Variants in DRG1 observed in about 807,000 individuals in gnomAD.
DRG1 encodes the protein developmentally-regulated GTP-binding protein 1.
A neutral mutation model predicts 38.8 loss-of-function variants in DRG1; 19 were observed. The ratio of observed to expected loss-of-function variants is 0.49; its 90% confidence interval spans 0.34 to 0.72. The LOEUF (loss-of-function observed/expected upper bound fraction) is 0.72. Among genes scored for constraint, DRG1 ranks in the 30% least tolerant of loss-of-function variants. The pLI, the probability that DRG1 is intolerant of heterozygous loss-of-function variation, is 0.01. For missense variants in DRG1, 299 were observed against 444.8 expected (o/e 0.67, Z 2.95); for synonymous variants, 167 against 157.5 (o/e 1.06, Z -0.45).
chr22:31,401,347 C>T (rs940934886), intron 2 of DRG1, among the ~76,000 whole-genome samples: 22 of 151,584 alleles, frequency 1.5e-4, no homozygotes, highest in African/African-American at 4.6e-4. Context: ...CTTTGGGAGG[C>T]CAAGGCGTGG....
Position 31,407,379 on chromosome 22 carries a change from G to A in DRG1, c.343-3633G>A, listed in dbSNP as rs181916756. 2.0e-3 allele frequency among the ~76,000 whole-genome samples: 309 copies of A among 152,260 alleles called. 1 individual carries two copies. The highest frequency in any genetic ancestry group is 6.8e-3 in the African/African-American group (282 of 41,564). On this transcript the variant is annotated intron_variant, in intron 3 of 8. Coordinates refer to ENST00000331457, the MANE Select transcript of DRG1 (RefSeq NM_004147.4). ...TCTCCCTCGCTCTGTCACCCAGGCT[G>A]AATGCAGTGGCACGGGTACGATCAT...
chr22:31,426,926 T>A, intron 7 of DRG1, 134 bp from the exon 8 acceptor site: 1 of 1,491,578 alleles, frequency 6.7e-7, no homozygotes, highest in Non-Finnish European at 9.1e-7. Context: ...GGTCATTAGG[T>A]CATATTGAGG....
intron 4 of DRG1, among the ~76,000 whole-genome samples, chr22:31,412,612 G>A (rs1180063697): frequency 1.3e-5 from 2 of 151,946 alleles, no homozygotes; most frequent in Non-Finnish European, 2.9e-5. Context: ...GCCTCCCAAA[G>A]TGCTGAGATT....
chr22:31,420,966 G>A (rs1004747013), intron 5 of DRG1, among the ~76,000 whole-genome samples: 5 of 152,170 alleles, frequency 3.3e-5, no homozygotes, highest in Non-Finnish European at 5.9e-5. Flanking sequence ...GGTCAGGGAA[G>A]TCTTTACTGA....
At chr22:31,414,893 T>TC (rs1279289594) in intron 4 of DRG1, among the ~76,000 whole-genome samples, 2 of 151,920 alleles carry the variant, frequency 1.3e-5, no homozygotes, top group Non-Finnish European at 2.9e-5. Flanking sequence ...GATCCTTCCT[T>TC]CTTAGCCTCT....
Position 31,426,722 on chromosome 22 carries a change from A to C in DRG1, c.821A>C (p.His274Pro). The C allele has an allele frequency of 6.2e-7, 1 of 1,614,132 alleles. No individual in the cohort carries two copies. Residue 274 changes from histidine (H) to proline (P), a missense_variant, in exon 7 of 9, where the codon CAC becomes CCC. Physicochemically the swap from His to Pro is moderately conservative, Grantham distance 77 (BLOSUM62 -2). This residue lies in a region of DRG1 where 198 missense variants were observed against 268.1 expected (regional missense o/e 0.74). Coordinates refer to ENST00000331457, the MANE Select transcript of DRG1 (RefSeq NM_004147.4). ...CACTGTGTACCCATCTCTGCCCATC[A>C]CCGCTGGAATTTTGATGACCTATTG... ...VPHCVPISAH[H>P]RWNFDDLLEK...
chr22:31,426,418 T>C (rs532304299), intron 6 of DRG1, 197 bp from the exon 7 acceptor site: 1 of 517,364 alleles, frequency 1.9e-6, no homozygotes, highest in Admixed American at 3.7e-5. Context: ...TTGTGGCTGG[T>C]ACTAGGGCCT....
chr22:31,430,406 T>C lies in DRG1; in HGVS notation c.1004+3224T>C, dbSNP rs191358855. ...TACTACAGGGTTAATTTTTTTTTTT[T>C]TTTCTTTTTTTGAGATGGAGTCTCG... On this transcript the variant is annotated intron_variant, in intron 8 of 8. Coordinates refer to ENST00000331457, the MANE Select transcript of DRG1 (RefSeq NM_004147.4). Among the ~76,000 whole-genome samples the C allele has an allele frequency of 5.4e-3, 824 of 152,014 alleles. 3 individuals carry two copies. The highest frequency in any genetic ancestry group is 1.0e-2 in the Non-Finnish European group (679 of 67,972).
intron 4 of DRG1, among the ~76,000 whole-genome samples, chr22:31,411,804 T>G (rs906908220): frequency 2.6e-5 from 4 of 151,728 alleles, no homozygotes; most frequent in Admixed American, 6.6e-5. Context: ...TGTTTGAAGG[T>G]TATTTTTATT....
At chr22:31,426,588 T>C in intron 6 of DRG1, 27 bp from the exon 7 acceptor site, 12 of 1,592,210 alleles carry the variant, frequency 7.5e-6, no homozygotes, top group Non-Finnish European at 1.0e-5. Flanking sequence ...TCCAGACTAA[T>C]ACCCTGTTTT....
At chr22:31,432,164 A>T (rs2050142879) in intron 8 of DRG1, among the ~76,000 whole-genome samples, 1 of 149,234 alleles carries the variant, frequency 6.7e-6, no homozygotes, top group Non-Finnish European at 1.5e-5. Context: ...GCAGCCTTGA[A>T]CTCCTGGGCT....
intron 3 of DRG1, among the ~76,000 whole-genome samples, chr22:31,405,685 G>T (rs1017208115): frequency 1.3e-5 from 2 of 150,704 alleles, no homozygotes; most frequent in Non-Finnish European, 3.0e-5. Context: ...GTGTGTGGGG[G>T]GGTTTATTTA....
chr22:31,412,800 C>T (rs1213384995), intron 4 of DRG1, among the ~76,000 whole-genome samples: 2 of 151,964 alleles, frequency 1.3e-5, no homozygotes, highest in Non-Finnish European at 2.9e-5. Flanking sequence ...GGTTATCCAC[C>T]TCAGTCTCCC....
At chr22:31,402,099 C>T (rs1468866532) in intron 2 of DRG1, among the ~76,000 whole-genome samples, 3 of 151,712 alleles carry the variant, frequency 2.0e-5, no homozygotes, top group Non-Finnish European at 4.4e-5. Flanking sequence ...TATTGGCTTA[C>T]AGAAATGTAA....
intron 6 of DRG1, among the ~76,000 whole-genome samples, chr22:31,425,412 A>G (rs1420863732): frequency 6.6e-6 from 1 of 151,042 alleles, no homozygotes; most frequent in East Asian, 1.9e-4. Flanking sequence ...AAGAGTATGT[A>G]GCTGAATATC....
At chr22:31,429,415 C>T (rs2050127718) in intron 8 of DRG1, among the ~76,000 whole-genome samples, 1 of 151,954 alleles carries the variant, frequency 6.6e-6, no homozygotes, top group African/African-American at 2.4e-5. Context: ...AGCTACCACG[C>T]CTGGCCTAAT....
chr22:31,401,583 CAAAA>C (rs951167073), intron 2 of DRG1, among the ~76,000 whole-genome samples: 7 of 53,746 alleles, frequency 1.3e-4, no homozygotes, highest in East Asian at 8.0e-4. Flanking sequence ...GACTCTGTCT[CAAAA>C]AAAAAAAAAA....
chr22:31,409,246 G>A (rs1469846504), intron 3 of DRG1, among the ~76,000 whole-genome samples: 1 of 151,950 alleles, frequency 6.6e-6, no homozygotes, highest in Non-Finnish European at 1.5e-5. Context: ...CACCATACCC[G>A]GCTAATTTTT....
intron 3 of DRG1, among the ~76,000 whole-genome samples, chr22:31,403,609 G>C (rs975988418): frequency 6.6e-6 from 1 of 152,142 alleles, no homozygotes; most frequent in African/African-American, 2.4e-5. Context: ...ACCTGAGGGT[G>C]GGGGCTGGGA....
Sources: allele counts gnomAD v4.1 joint callset (sites outside exome capture counted in the v4.1 genomes callset), GRCh38; gene constraint gnomAD v4.1.1; regional missense constraint gnomAD v4.1.1; transcripts MANE v1.5; gene names NCBI Gene and HGNC (gene_info 2026-07-23, HGNC 2026-07-21).